Variants in DMRT1 observed in about 807,000 individuals in gnomAD.
The protein encoded by DMRT1 is doublesex- and mab-3-related transcription factor 1.
In DMRT1, 7 loss-of-function variants were observed where a neutral mutation model predicts 32.3. The ratio of observed to expected loss-of-function variants is 0.22; its 90% CI spans 0.12 to 0.41. The LOEUF is 0.41. Ranked by LOEUF, DMRT1 falls within the 10% of genes least tolerant of loss-of-function variation. The pLI is 1.00. For missense variants in DMRT1, 625 were observed against 500.5 expected (o/e 1.25, Z -2.37); for synonymous variants, 278 against 206.1 (o/e 1.35, Z -2.99).
chr9:884,309 A>C (rs1264728361), intron 2 of DMRT1, among the ~76,000 whole-genome samples: 1 of 151,418 alleles, frequency 6.6e-6, no homozygotes, highest in East Asian at 1.9e-4. Flanking sequence ...GGTATTTATC[A>C]TGTGCAGGTA....
At chr9:895,625 A>C (rs140448076) in intron 3 of DMRT1, among the ~76,000 whole-genome samples, 5 of 152,180 alleles carry the variant, frequency 3.3e-5, no homozygotes, top group Non-Finnish European at 7.3e-5. Flanking sequence ...TGATTGCCAC[A>C]ATTAAGCTAA....
chr9:921,787 A>G (rs1021414604), intron 4 of DMRT1, among the ~76,000 whole-genome samples: 4 of 152,210 alleles, frequency 2.6e-5, no homozygotes, highest in African/African-American at 9.7e-5. Flanking sequence ...AGGGTGAGGC[A>G]GGAAGACCAC....
chr9:905,384 A>G (rs903194421), intron 3 of DMRT1, among the ~76,000 whole-genome samples: 16 of 152,118 alleles, frequency 1.1e-4, no homozygotes, highest in African/African-American at 2.9e-4. Context: ...AGGGGAAGGA[A>G]GGCAGACATA....
At chr9:859,605 A>G (rs749015122) in intron 2 of DMRT1, among the ~76,000 whole-genome samples, 1 of 152,210 alleles carries the variant, frequency 6.6e-6, no homozygotes, top group Non-Finnish European at 1.5e-5. Flanking sequence ...TGAGTCTCCT[A>G]TGAAAATTCA....
chr9:909,858 G>A (rs1351508331), intron 3 of DMRT1, among the ~76,000 whole-genome samples: 1 of 152,010 alleles, frequency 6.6e-6, no homozygotes, highest in East Asian at 1.9e-4. Flanking sequence ...GAACACAGGT[G>A]TGCACCACCA....
intron 3 of DMRT1, among the ~76,000 whole-genome samples, chr9:899,263 A>G (rs1817484051): frequency 6.6e-6 from 1 of 152,142 alleles, no homozygotes; most frequent in Admixed American, 6.5e-5. Context: ...AACTGACTCT[A>G]GTGGAGATCG....
intron 4 of DMRT1, among the ~76,000 whole-genome samples, chr9:940,627 C>G (rs1203858506): frequency 5.3e-5 from 8 of 152,066 alleles, no homozygotes; most frequent in Non-Finnish European, 7.4e-5. Flanking sequence ...AGCTTCATTA[C>G]ATTGGATTTG....
At chr9:894,678 C>G (rs951939190) in intron 3 of DMRT1, 1 of 248,888 alleles carries the variant, frequency 4.0e-6, no homozygotes, top group Non-Finnish European at 7.8e-6. Context: ...GGAAACAGGT[C>G]ATAATCTGTA....
In DMRT1 at chr9:937,644, G is replaced by A. The variant is rs1465753560; in HGVS notation, c.967+20737G>A. Reference sequence around the variant, plus strand: ...TGTGCTTCTTGGCCATTTATGTATCGTCTTTGGAGAAATGCCTGTTCAAGT... The same window carrying A: ...TGTGCTTCTTGGCCATTTATGTATCATCTTTGGAGAAATGCCTGTTCAAGT... On this transcript the variant is annotated intron_variant, in intron 4 of 4. Coordinates refer to ENST00000382276, the MANE Select transcript of DMRT1 (RefSeq NM_021951.3). Among the ~76,000 whole-genome samples the A allele has an allele frequency of 5.3e-5, 8 of 152,186 alleles. No individual in the cohort carries two copies. In the South Asian group the frequency reaches 6.2e-4, roughly 12 times the overall value.
chr9:928,250 G>A (rs568259560), intron 4 of DMRT1, among the ~76,000 whole-genome samples: 2 of 152,136 alleles, frequency 1.3e-5, no homozygotes, highest in African/African-American at 2.4e-5. Context: ...GACAGCAGCC[G>A]GCTCTGCAGT....
In DMRT1 at chr9:843,839, C is replaced by T. The variant is rs61651493; in HGVS notation, c.354+1647C>T. ...TTTTACAAATGTGTTTTATACTAAA[C>T]GTATTTTGGCTTCACAGATGGCGAG... On this transcript the variant is annotated intron_variant, in intron 1 of 4. Coordinates refer to ENST00000382276, the MANE Select transcript of DMRT1 (RefSeq NM_021951.3). Among the ~76,000 whole-genome samples the T allele has an allele frequency of 3.5e-3, 540 of 152,174 alleles. 1 individual carries two copies. Among genetic ancestry groups the T allele is most frequent in the African/African-American group, 0.012 (508 of 41,512 alleles).
intron 3 of DMRT1, among the ~76,000 whole-genome samples, chr9:914,758 A>G (rs907487093): frequency 6.6e-6 from 1 of 152,154 alleles, no homozygotes; most frequent in African/African-American, 2.4e-5. Context: ...TTGCTTCTCC[A>G]GAAGAAGTAA....
intron 3 of DMRT1, among the ~76,000 whole-genome samples, chr9:913,255 C>G (rs562088387): frequency 5.3e-5 from 8 of 152,082 alleles, no homozygotes; most frequent in Non-Finnish European, 1.2e-4. Context: ...TATTGTCAAA[C>G]CTGAAGTAGA....
chr9:852,322 T>G (rs983727948), intron 2 of DMRT1, among the ~76,000 whole-genome samples: 1 of 151,370 alleles, frequency 6.6e-6, no homozygotes, highest in Non-Finnish European at 1.5e-5. Context: ...ATTTTGACTC[T>G]ACATGACAAA....
chr9:936,679 G>A (rs188998804), intron 4 of DMRT1, among the ~76,000 whole-genome samples: 1 of 150,462 alleles, frequency 6.6e-6, no homozygotes, highest in Non-Finnish European at 1.5e-5. Flanking sequence ...GCTTGAACCT[G>A]GGAGGCGGAA....
chr9:964,649 C>A (rs573745029), intron 4 of DMRT1, among the ~76,000 whole-genome samples: 1 of 152,208 alleles, frequency 6.6e-6, no homozygotes, highest in South Asian at 2.1e-4. Context: ...GCCCCCAACC[C>A]CAGTGCAGCT....
chr9:873,262 TTTTG>T (rs1252032788), intron 2 of DMRT1, among the ~76,000 whole-genome samples: 3 of 152,304 alleles, frequency 2.0e-5, no homozygotes, highest in African/African-American at 7.2e-5. Flanking sequence ...TGTAAGTTTT[TTTTG>T]TTTGTTTTTT....
chr9:907,282 T>G (rs993313617), intron 3 of DMRT1, among the ~76,000 whole-genome samples: 1 of 152,222 alleles, frequency 6.6e-6, no homozygotes, highest in Non-Finnish European at 1.5e-5. Flanking sequence ...TGCTTTTATG[T>G]AAATGGTACT....
intron 3 of DMRT1, among the ~76,000 whole-genome samples, chr9:900,293 G>A (rs1586588916): frequency 6.6e-6 from 1 of 152,320 alleles, no homozygotes; most frequent in South Asian, 2.1e-4. Flanking sequence ...GGTTGGGAAG[G>A]GCACTCAGAA....
Sources: allele counts gnomAD v4.1 joint callset (sites outside exome capture counted in the v4.1 genomes callset), GRCh38; gene constraint gnomAD v4.1.1; transcripts MANE v1.5; gene names NCBI Gene and HGNC (gene_info 2026-07-23, HGNC 2026-07-21).